The following SORL1 variants were observed in gnomAD, a reference collection of about 807,000 sequenced individuals.
SORL1 encodes sortilin-related receptor.
SORL1 carries 127 observed loss-of-function variants against 273.7 expected under a neutral mutation model. The ratio of observed to expected loss-of-function variants is 0.46; its 90% CI spans 0.40 to 0.54. The LOEUF (loss-of-function observed/expected upper bound fraction) is 0.54. Ranked by LOEUF, SORL1 falls within the 20% of genes least tolerant of loss-of-function variation. The pLI, the probability that SORL1 is intolerant of heterozygous loss-of-function variation, is 0.00. For missense variants in SORL1, 2,494 were observed against 2,846.1 expected (o/e 0.88, Z 2.81); for synonymous variants, 1,031 against 1,067.4 (o/e 0.97, Z 0.66).
chr11:121,523,858 C>T (rs895458248), intron 11 of SORL1, among the ~76,000 whole-genome samples: 31 of 152,168 alleles, frequency 2.0e-4, no homozygotes, highest in African/African-American at 7.5e-4. Flanking sequence ...AGACATAGTT[C>T]CCATCCACGT....
At position 121,630,096 on chromosome 11, in the gene SORL1, C is replaced by T. The variant is rs1400858852; in HGVS notation, c.*533C>T. On this transcript the variant is annotated 3_prime_UTR_variant, in exon 48 of 48. Coordinates refer to ENST00000260197, the MANE Select transcript of SORL1 (RefSeq NM_003105.6). ...CCAGGCTTTAGTGGTCATTAGACAC[C>T]ACATGTGTTATGAGCCCCTTACCCA... 1 of 155,360 alleles carries T rather than the reference C, an allele frequency of 6.4e-6. No individual in the cohort carries two copies. The highest frequency in any genetic ancestry group is 1.4e-5 in the Non-Finnish European group (1 of 70,122). The allele number at this position is 155,360 out of a possible 1,614,324, so 9.6% of individuals were successfully genotyped here.
At chr11:121,506,922 A>G (rs1186287409) in intron 6 of SORL1, among the ~76,000 whole-genome samples, 1 of 152,048 alleles carries the variant, frequency 6.6e-6, no homozygotes, top group African/African-American at 2.4e-5. Flanking sequence ...CAGATTTTCT[A>G]GGGTGACATT....
chr11:121,495,234 C>CA (rs1273383772), intron 5 of SORL1, among the ~76,000 whole-genome samples: 1 of 152,182 alleles, frequency 6.6e-6, no homozygotes, highest in African/African-American at 2.4e-5. Flanking sequence ...TGTACGCCAG[C>CA]ATACCTGGCT....
chr11:121,480,757 T>G (rs1375838264), intron 3 of SORL1, among the ~76,000 whole-genome samples: 1 of 142,522 alleles, frequency 7.0e-6, no homozygotes, highest in Non-Finnish European at 1.5e-5. Flanking sequence ...GCAAGCTCCA[T>G]CTCCTCCTCC....
chr11:121,569,015 T>C (rs1862795591), intron 22 of SORL1, among the ~76,000 whole-genome samples: 2 of 152,330 alleles, frequency 1.3e-5, no homozygotes, highest in Middle Eastern at 3.4e-3. Context: ...AGAACGTGGA[T>C]TGTGAAGATT....
intron 2 of SORL1, among the ~76,000 whole-genome samples, chr11:121,472,861 G>A (rs1036305288): frequency 6.6e-6 from 1 of 151,982 alleles, no homozygotes; most frequent in Admixed American, 6.5e-5. Context: ...TCGGGAGGCT[G>A]AGGCAAGAGA....
chr11:121,599,842 C>A (rs1863359790), intron 32 of SORL1, among the ~76,000 whole-genome samples: 1 of 151,694 alleles, frequency 6.6e-6, no homozygotes, highest in Admixed American at 6.6e-5. Flanking sequence ...ATTCTTATTT[C>A]TCTTTCTGTC....
In SORL1 at chr11:121,547,838, C is replaced by T. The variant is rs138289284; in HGVS notation, c.2052-2122C>T. On this transcript the variant is annotated intron_variant, in intron 14 of 47. Transcript: ENST00000260197. ...AGAAGGAAAATGGTCCCAAGATGGACGTCAGGAAATGAGATGAGAATGAGC... is the reference window on the plus strand; with the variant it reads ...AGAAGGAAAATGGTCCCAAGATGGATGTCAGGAAATGAGATGAGAATGAGC... Among the ~76,000 whole-genome samples the T allele has an allele frequency of 5.6e-3, 845 of 152,124 alleles. 4 individuals are homozygous for T. The highest frequency in any genetic ancestry group is 0.02 in the African/African-American group (811 of 41,494).
At chr11:121,552,136 GA>G (rs1012320996) in intron 16 of SORL1, among the ~76,000 whole-genome samples, 2 of 149,484 alleles carry the variant, frequency 1.3e-5, no homozygotes, top group African/African-American at 2.5e-5. Context: ...GTAAAAGAGA[GA>G]AAAAAAAAGG....
rs1311930150 is a variant in SORL1, at chr11:121,632,287, G to GC, written c.*2728dup. On this transcript the variant is annotated 3_prime_UTR_variant, in exon 48 of 48. Coordinates refer to ENST00000260197, the MANE Select transcript of SORL1 (RefSeq NM_003105.6). Reference sequence around the variant, plus strand: ...GATTTTACTCCTGGATGTATTGAATGCCCCTTGAGCTTTATGAGATACGAG... The same window carrying GC: ...GATTTTACTCCTGGATGTATTGAATGCCCCCTTGAGCTTTATGAGATACGAG... 2.0e-5 allele frequency: 3 copies of GC among 152,086 alleles called. No individual in the cohort carries two copies. Among genetic ancestry groups the GC allele is most frequent in the Non-Finnish European group, 4.4e-5 (3 of 68,022 alleles). The allele number at this position is 152,086 out of a possible 1,614,324, so 9.4% of individuals were successfully genotyped here. A position where few individuals can be genotyped will look rare whatever the true frequency, so the allele number is the denominator to read the frequency against.
intron 5 of SORL1, among the ~76,000 whole-genome samples, chr11:121,495,106 CAG>C (rs1861608952): frequency 6.6e-6 from 1 of 152,258 alleles, no homozygotes; most frequent in Admixed American, 6.5e-5. Context: ...TTTTTCAAGA[CAG>C]GGTATTGCTC....
intron 32 of SORL1, among the ~76,000 whole-genome samples, chr11:121,603,072 T>G (rs1863419110): frequency 6.6e-6 from 1 of 152,262 alleles, no homozygotes; most frequent in African/African-American, 2.4e-5. Context: ...TAAGGACCCA[T>G]GTCATTAGAC....
intron 5 of SORL1, among the ~76,000 whole-genome samples, chr11:121,493,843 A>G (rs1861591540): frequency 6.6e-6 from 1 of 152,218 alleles, no homozygotes; most frequent in South Asian, 2.1e-4. Context: ...TAATAGAGGT[A>G]AAGATGGAGC....
chr11:121,599,640 T>A (rs959202911), intron 32 of SORL1, among the ~76,000 whole-genome samples: 2 of 152,254 alleles, frequency 1.3e-5, no homozygotes, highest in African/African-American at 2.4e-5. Context: ...CATTTCTTTG[T>A]CATGTCTTTC....
At chr11:121,615,255 C>G (rs1173696074) in intron 41 of SORL1, among the ~76,000 whole-genome samples, 200 bp downstream of exon 41, 2 of 152,078 alleles carry the variant, frequency 1.3e-5, no homozygotes, top group Non-Finnish European at 2.9e-5. Flanking sequence ...CTTTTTGAGT[C>G]TACTGTTTTA....
At chr11:121,618,749 C>T in intron 41 of SORL1, 25 bp from the exon 42 acceptor site, 6 of 1,613,826 alleles carry the variant, frequency 3.7e-6, no homozygotes, top group Non-Finnish European at 5.1e-6. Flanking sequence ...AGCTGATGTC[C>T]TCTTCCATTC....
At chr11:121,593,020 G>C (rs966501190) in intron 31 of SORL1, among the ~76,000 whole-genome samples, 1 of 152,150 alleles carries the variant, frequency 6.6e-6, no homozygotes, top group African/African-American at 2.4e-5. Context: ...TCTTTGTTTA[G>C]TGTAGAAGTC....
At chr11:121,494,475 G>A (rs1360873615) in intron 5 of SORL1, among the ~76,000 whole-genome samples, 1 of 152,184 alleles carries the variant, frequency 6.6e-6, no homozygotes, top group African/African-American at 2.4e-5. Context: ...GGGGCTGAGG[G>A]GACTCAAAGA....
chr11:121,622,787 A>G (rs557271511), intron 45 of SORL1, among the ~76,000 whole-genome samples: 1 of 152,260 alleles, frequency 6.6e-6, no homozygotes, highest in African/African-American at 2.4e-5. Flanking sequence ...TTGGTAGGCC[A>G]ATATGGTATT....
Sources: allele counts gnomAD v4.1 joint callset (sites outside exome capture counted in the v4.1 genomes callset), GRCh38; gene constraint gnomAD v4.1.1; transcripts MANE v1.5; gene names NCBI Gene and HGNC (gene_info 2026-07-23, HGNC 2026-07-21).